ADGRL3: variants seen among roughly 807,000 people sequenced by gnomAD.
The protein encoded by ADGRL3 is adhesion G protein-coupled receptor L3, also known as calcium-independent alpha-latrotoxin receptor 3.
A neutral mutation model predicts 153.5 loss-of-function variants in ADGRL3; 62 were observed. That is an observed-to-expected ratio of 0.40 (90% CI 0.33 to 0.50). The LOEUF (loss-of-function observed/expected upper bound fraction) is 0.50. ADGRL3 is among the 20% of genes least tolerant of loss of function. The pLI is 0.47. For missense variants in ADGRL3, 1,641 were observed against 1,859.4 expected (o/e 0.88, Z 2.16); for synonymous variants, 710 against 672.5 (o/e 1.06, Z -0.86).
chr4:61,856,602 CTCTTTTTTTTTTTTTTTT>C (rs1561367006), intron 9 of ADGRL3, among the ~76,000 whole-genome samples: 120 of 22,382 alleles, frequency 5.4e-3, no homozygotes, highest in African/African-American at 0.012. Flanking sequence ...CTCTCTCTCT[CTCTTTTTTTTTTTTTTTT>C]TTTTTTTTTT....
intron 1 of ADGRL3, among the ~76,000 whole-genome samples, chr4:61,228,449 T>A (rs1164467813): frequency 6.6e-6 from 1 of 152,168 alleles, no homozygotes; most frequent in Non-Finnish European, 1.5e-5. Context: ...GATGTTTAGA[T>A]CTGTAATACT....
At chr4:61,726,126 G>A (rs868748491) in intron 6 of ADGRL3, among the ~76,000 whole-genome samples, 2 of 151,434 alleles carry the variant, frequency 1.3e-5, no homozygotes, top group Non-Finnish European at 2.9e-5. Flanking sequence ...CATTGTTCTG[G>A]AGAACCTAAA....
intron 24 of ADGRL3, among the ~76,000 whole-genome samples, chr4:62,038,390 G>A (rs374787202): frequency 9.2e-5 from 14 of 151,928 alleles, no homozygotes; most frequent in East Asian, 3.9e-4. Flanking sequence ...ACTCCCATTC[G>A]CCCAGCACTA....
chr4:61,565,796 C>T (rs763784220), intron 4 of ADGRL3, among the ~76,000 whole-genome samples: 1 of 152,056 alleles, frequency 6.6e-6, no homozygotes, highest in South Asian at 2.1e-4. Flanking sequence ...CCTAGGCCTC[C>T]CAAAGTGCTG....
At chr4:62,044,317 C>T (rs989301657) in intron 24 of ADGRL3, 136 bp from the exon 25 acceptor site, 1 of 641,550 alleles carries the variant, frequency 1.6e-6, no homozygotes, top group Non-Finnish European at 2.8e-6. Flanking sequence ...TACTGTACTG[C>T]AAACATGTAG....
intron 1 of ADGRL3, among the ~76,000 whole-genome samples, chr4:61,370,329 C>G (rs1446823176): frequency 6.6e-6 from 1 of 151,224 alleles, no homozygotes; most frequent in South Asian, 2.1e-4. Context: ...GTTAGGGTGT[C>G]AATTTTGGAT....
At position 61,338,086 on chromosome 4, in the gene ADGRL3, G is replaced by A. The variant is rs117757684; in HGVS notation, c.-239-45038G>A. On this transcript the variant is annotated intron_variant, in intron 1 of 26. Transcript: ENST00000683033. ...TCAAGACCAGCCCGGTAAACATGGT[G>A]AAGCCCCATCTCTACTAAAAATAAT... is the stretch of plus-strand genomic sequence containing the variant. Among the ~76,000 whole-genome samples the A allele has an allele frequency of 7.7e-4, 117 of 152,008 alleles. 2 individuals carry two copies. The East Asian group carries it at 0.021, about 27-fold the overall frequency.
At chr4:61,681,003 G>A (rs1350750124) in intron 6 of ADGRL3, among the ~76,000 whole-genome samples, 1 of 152,050 alleles carries the variant, frequency 6.6e-6, no homozygotes, top group Non-Finnish European at 1.5e-5. Flanking sequence ...TAGGAGGTTT[G>A]ATGTTCTTCC....
rs1037841295 is a variant in ADGRL3 at position 61,622,018 on chromosome 4, C to T, written c.473+34578C>T. On this transcript the variant is annotated intron_variant, in intron 5 of 26. Coordinates refer to ENST00000683033, the MANE Select transcript of ADGRL3 (RefSeq NM_001387552.1). The stretch of plus-strand genomic sequence containing the variant: ...ACTCATCAAGAGCCTGCCTGCATGT[C>T]GGTAGCTGTGTTGGTATATTTATGG... Among the ~76,000 whole-genome samples, 25 of 152,180 alleles carry T rather than the reference C, an allele frequency of 1.6e-4. 1 individual carries two copies. Among genetic ancestry groups the T allele is most frequent in the East Asian group, 7.7e-4 (4 of 5,170 alleles).
intron 1 of ADGRL3, among the ~76,000 whole-genome samples, chr4:61,278,139 A>T (rs1478078969): frequency 1.3e-5 from 2 of 151,202 alleles, no homozygotes; most frequent in African/African-American, 4.9e-5. Context: ...TGATCCTTTC[A>T]TTTTTTTTTA....
intron 1 of ADGRL3, among the ~76,000 whole-genome samples, chr4:61,376,841 C>T (rs2096609121): frequency 6.6e-6 from 1 of 152,112 alleles, no homozygotes; most frequent in African/African-American, 2.4e-5. Flanking sequence ...GTTGAAGCAT[C>T]TGTGAGTCAA....
intron 1 of ADGRL3, among the ~76,000 whole-genome samples, chr4:61,241,068 A>G (rs1754722750): frequency 6.6e-6 from 1 of 152,030 alleles, no homozygotes; most frequent in African/African-American, 2.4e-5. Flanking sequence ...CTGTGTGTAT[A>G]TATATGTATC....
chr4:61,840,954 A>T (rs534200013), intron 9 of ADGRL3, among the ~76,000 whole-genome samples: 25 of 152,188 alleles, frequency 1.6e-4, no homozygotes, highest in Admixed American at 1.5e-3. Flanking sequence ...CTCTATTCCA[A>T]ATCTAATAGA....
intron 9 of ADGRL3, among the ~76,000 whole-genome samples, chr4:61,853,782 A>G (rs980377810): frequency 3.3e-5 from 5 of 152,156 alleles, no homozygotes; most frequent in African/African-American, 1.2e-4. Context: ...CTTACTTTCC[A>G]GGTTTCCCAG....
chr4:61,633,057 G>C (rs2093258528), intron 5 of ADGRL3, among the ~76,000 whole-genome samples: 1 of 152,120 alleles, frequency 6.6e-6, no homozygotes, highest in Admixed American at 6.6e-5. Context: ...GAAGATTATA[G>C]ACATTATTAT....
At chr4:61,759,621 C>G (rs976788835) in intron 8 of ADGRL3, among the ~76,000 whole-genome samples, 1 of 151,604 alleles carries the variant, frequency 6.6e-6, no homozygotes, top group African/African-American at 2.4e-5. Flanking sequence ...TTTCAACTTC[C>G]TCCTTTAGCT....
chr4:62,064,469 C>T (rs1266839440), intron 25 of ADGRL3, among the ~76,000 whole-genome samples: 2 of 151,744 alleles, frequency 1.3e-5, no homozygotes, highest in African/African-American at 4.8e-5. Flanking sequence ...TGTAAAGAAA[C>T]CACAAGAGAA....
intron 18 of ADGRL3, 126 bp from the exon 19 acceptor site, chr4:61,983,257 C>G (rs952508815): frequency 6.1e-6 from 4 of 657,908 alleles, no homozygotes; most frequent in Admixed American, 2.9e-5. Context: ...TAAGAATCTT[C>G]CCTAGGTTAT....
intron 4 of ADGRL3, among the ~76,000 whole-genome samples, chr4:61,554,350 C>T (rs111955422): frequency 1.3e-3 from 193 of 151,914 alleles, no homozygotes; most frequent in African/African-American, 4.4e-3. Context: ...CGTGCCACCA[C>T]GTCTAGCTAA....
Sources: allele counts gnomAD v4.1 joint callset (sites outside exome capture counted in the v4.1 genomes callset), GRCh38; gene constraint gnomAD v4.1.1; transcripts MANE v1.5; gene names NCBI Gene and HGNC (gene_info 2026-07-23, HGNC 2026-07-21).